The following WIPF3 variants were observed in gnomAD, a reference collection of about 807,000 sequenced individuals.
The protein encoded by WIPF3 is WAS/WASL interacting protein family member 3.
Under a neutral mutation model 38.9 loss-of-function variants are expected in WIPF3, and 33 were observed. The ratio of observed to expected loss-of-function variants is 0.85; its 90% CI spans 0.64 to 1.14. WIPF3 has a LOEUF of 1.14. WIPF3 is among the 50% of genes most tolerant of loss of function. The pLI, the probability that WIPF3 is intolerant of heterozygous loss-of-function variation, is 0.00. For missense variants in WIPF3, 711 were observed against 652.5 expected, an observed-to-expected ratio of 1.09 and a Z score of -0.98; for synonymous variants, 324 against 269.3, an observed-to-expected ratio of 1.20 and a Z score of -1.99.
At chr7:29,868,226 T>C (rs1457171824) in intron 2 of WIPF3, among the ~76,000 whole-genome samples, 1 of 151,948 alleles carries the variant, frequency 6.6e-6, no homozygotes, top group Non-Finnish European at 1.5e-5. Context: ...GTGTGGGGCA[T>C]CCCCAGAAGA....
At chr7:29,902,718 G>A (rs1786312191) in intron 7 of WIPF3, among the ~76,000 whole-genome samples, 1 of 151,836 alleles carries the variant, frequency 6.6e-6, no homozygotes, top group South Asian at 2.1e-4. Flanking sequence ...GCAAGCACCT[G>A]TAGTCCTAGC....
chr7:29,907,485 T>C (rs1331709643), intron 8 of WIPF3, among the ~76,000 whole-genome samples: 1 of 152,210 alleles, frequency 6.6e-6, no homozygotes, highest in Non-Finnish European at 1.5e-5. Flanking sequence ...GGCTATGGCC[T>C]GAATGTTTGT....
At chr7:29,907,895 A>C (rs926887263) in intron 8 of WIPF3, among the ~76,000 whole-genome samples, 2 of 152,212 alleles carry the variant, frequency 1.3e-5, no homozygotes, top group Non-Finnish European at 2.9e-5. Context: ...ATGAGAAACA[A>C]ATTTAAACAT....
intron 4 of WIPF3, among the ~76,000 whole-genome samples, chr7:29,882,655 C>G (rs1181280603): frequency 6.6e-6 from 1 of 152,142 alleles, no homozygotes; most frequent in African/African-American, 2.4e-5. Flanking sequence ...GGTAAACACA[C>G]AGGAGACTCA....
chr7:29,915,399 C>A lies in WIPF3; in HGVS notation c.*883C>A, dbSNP rs1250196691. ...AGTTGTATCTCAGAGGTCTCCCCTT[C>A]TGCCCTTGCTTCGAGTGTGGACTTC... On this transcript the variant is annotated 3_prime_UTR_variant, in exon 9 of 9. Coordinates refer to ENST00000242140, the MANE Select transcript of WIPF3 (RefSeq NM_001080529.3). 1 of 152,212 alleles carries A rather than the reference C, an allele frequency of 6.6e-6. No homozygotes were observed. Among genetic ancestry groups the A allele is most frequent in the African/African-American group, 2.4e-5 (1 of 41,440 alleles). 9.4% of individuals were successfully genotyped at this position (152,212 alleles called of 1,614,324 possible).
intron 2 of WIPF3, among the ~76,000 whole-genome samples, chr7:29,851,315 C>G (rs953073155): frequency 6.6e-6 from 1 of 152,108 alleles, no homozygotes; most frequent in Non-Finnish European, 1.5e-5. Context: ...CTCCTTGGCT[C>G]GGCCACAAGC....
chr7:29,849,443 G>A (rs924021347), intron 2 of WIPF3, among the ~76,000 whole-genome samples: 6 of 152,124 alleles, frequency 3.9e-5, no homozygotes, highest in African/African-American at 2.4e-5. Context: ...ATCACTAGCT[G>A]GTGTTTTCTC....
At position 29,915,047 on chromosome 7, in the gene WIPF3, A is replaced by G. The variant is rs1235266974; in HGVS notation, c.*531A>G. 1 of 142,254 alleles carries G rather than the reference A, an allele frequency of 7.0e-6. No individual in the cohort carries two copies. The highest frequency in any genetic ancestry group is 2.6e-5 in the African/African-American group (1 of 38,088). 8.8% of individuals were successfully genotyped at this position (142,254 alleles called of 1,614,324 possible). The stretch of plus-strand genomic sequence containing the variant: ...CGCAGCCTCCAGGGAACGAGGTGCC[A>G]TGTCTCGCTTCCATTTTGCAGTACA... On this transcript the variant is annotated 3_prime_UTR_variant, in exon 9 of 9. Transcript: ENST00000242140.
chr7:29,888,494 CGT>C (rs1562787243), intron 6 of WIPF3, among the ~76,000 whole-genome samples: 7 of 141,088 alleles, frequency 5.0e-5, no homozygotes, highest in Non-Finnish European at 9.3e-5. Flanking sequence ...AGTGTGTGTG[CGT>C]GTGCGTGTGT....
At position 29,872,061 on chromosome 7, in the gene WIPF3, G is replaced by C. The variant is rs138208623; in HGVS notation, c.91-3769G>C. 3.3e-3 allele frequency among the ~76,000 whole-genome samples: 505 copies of C among 152,240 alleles called. 6 individuals carry two copies. The highest frequency in any genetic ancestry group is 0.011 in the African/African-American group (474 of 41,552). On this transcript the variant is annotated intron_variant, in intron 2 of 8. Transcript: ENST00000242140. ...GTAATGTTTTGTTGGCTTCTTTTTT[G>C]TTTTGTTTTGTCTGTGTGTTTTTAG...
chr7:29,914,420 G>A (rs1463012340), intron 8 of WIPF3, 73 bp from the exon 9 acceptor site: 2 of 1,242,470 alleles, frequency 1.6e-6, no homozygotes, highest in East Asian at 2.9e-5. Flanking sequence ...TGTTTGGGGG[G>A]GTGGAGGAGG....
At chr7:29,892,046 C>T (rs1412244681) in intron 7 of WIPF3, among the ~76,000 whole-genome samples, 1 of 152,278 alleles carries the variant, frequency 6.6e-6, no homozygotes, top group South Asian at 2.1e-4. Context: ...TATATAACAC[C>T]CCTTTCCCCA....
chr7:29,843,589 C>T (rs919923891), intron 2 of WIPF3, among the ~76,000 whole-genome samples: 1 of 152,168 alleles, frequency 6.6e-6, no homozygotes, highest in African/African-American at 2.4e-5. Flanking sequence ...AATCTTCTGG[C>T]TCTTTGCCTT....
chr7:29,905,919 A>G (rs1430491699), intron 8 of WIPF3: 2 of 152,234 alleles, frequency 1.3e-5, no homozygotes, highest in Non-Finnish European at 2.9e-5. Flanking sequence ...AAGTGACCAC[A>G]TATGCCCAGG....
At chr7:29,813,319 A>G (rs952368722) in intron 1 of WIPF3, among the ~76,000 whole-genome samples, 5 of 152,208 alleles carry the variant, frequency 3.3e-5, no homozygotes, top group Admixed American at 2.6e-4. Flanking sequence ...TAGAACACAG[A>G]TGTCTAACAA....
intron 1 of WIPF3, among the ~76,000 whole-genome samples, chr7:29,810,923 C>G (rs967073166): frequency 1.3e-5 from 2 of 152,086 alleles, no homozygotes; most frequent in Non-Finnish European, 2.9e-5. Flanking sequence ...GGGTCTTGCT[C>G]TGTTGCCCAA....
chr7:29,884,008 C>T lies in WIPF3; in HGVS notation c.514C>T (p.Pro172Ser), dbSNP rs1785781635. ...GACAGCCCCGCCTCGCCCCAACGTGCCTGCCCCGCCCCCTCCCACCCCACC... is the reference window on the plus strand; with the variant it reads ...GACAGCCCCGCCTCGCCCCAACGTGTCTGCCCCGCCCCCTCCCACCCCACC... ...ARTAPPRPNV[P>S]APPPPTPPPP... The change falls in exon 5 of 9, where the codon CCT becomes TCT. Residue 172 changes from proline (P) to serine (S), a missense_variant. Pro to Ser is a moderately conservative substitution (Grantham distance 74, BLOSUM62 -1). Transcript: ENST00000242140. The T allele has an allele frequency of 2.0e-6, 3 of 1,488,212 alleles. No homozygotes were observed. Among genetic ancestry groups the T allele is most frequent in the Non-Finnish European group, 2.7e-6 (3 of 1,116,582 alleles). The allele number at this position is 1,488,212 out of a possible 1,614,324, so 92.2% of individuals were successfully genotyped here. A position where few individuals can be genotyped will look rare whatever the true frequency, so the allele number is the denominator to read the frequency against.
intron 1 of WIPF3, among the ~76,000 whole-genome samples, chr7:29,825,122 A>AT (rs1405408156): frequency 6.6e-6 from 1 of 152,182 alleles, no homozygotes; most frequent in African/African-American, 2.4e-5. Context: ...ATCTAGCATC[A>AT]TAACATAAAT....
At chr7:29,881,901 A>C (rs1785725790) in intron 4 of WIPF3, among the ~76,000 whole-genome samples, 1 of 152,084 alleles carries the variant, frequency 6.6e-6, no homozygotes, top group Non-Finnish European at 1.5e-5. Flanking sequence ...CTGGATTTCT[A>C]GGGCTCGGGT....
Sources: allele counts gnomAD v4.1 joint callset (sites outside exome capture counted in the v4.1 genomes callset), GRCh38; gene constraint gnomAD v4.1.1; transcripts MANE v1.5; gene names NCBI Gene and HGNC (gene_info 2026-07-23, HGNC 2026-07-21).